IQSEC3: variants seen among roughly 807,000 people sequenced by gnomAD.
IQSEC3 encodes IQ motif and Sec7 domain ArfGEF 3, also known as IQ motif and SEC7 domain-containing protein 3.
Under a neutral mutation model 105.4 loss-of-function variants are expected in IQSEC3, and 50 were observed. The observed-to-expected ratio is 0.47, with a 90% confidence interval of 0.38 to 0.60. The LOEUF is 0.60. Among genes scored for constraint, IQSEC3 ranks in the 20% least tolerant of loss-of-function variants. The probability of loss-of-function intolerance (pLI) is 0.00; values close to 1 mark genes in which losing one functional copy is unlikely to be tolerated. For synonymous variants in IQSEC3, 708 were observed against 746.0 expected (o/e 0.95, Z 0.83); for missense variants, 1,415 against 1,630.0 (o/e 0.87, Z 2.27).
At chr12:139,388 G>A (rs1865925108) in intron 4 of IQSEC3, 34 bp downstream of exon 4, 14 of 1,487,876 alleles carry the variant, frequency 9.4e-6, no homozygotes, top group South Asian at 1.3e-5. Context: ...CCGGAGTCCT[G>A]GGCGTCCTGG....
intron 2 of IQSEC3, among the ~76,000 whole-genome samples, chr12:117,729 A>G (rs1327375084): frequency 6.6e-6 from 1 of 152,176 alleles, no homozygotes; most frequent in East Asian, 1.9e-4. Flanking sequence ...GGAGGCAACA[A>G]GGAGAGGAAG....
rs1866924143 is a variant in IQSEC3, at chr12:162,208, G to C, written c.2583+143G>C. ...GTTATGAAGTACCTACTGTGTGCCA[G>C]ACACTGCATCTCTTTTTTTTTTTCT... On this transcript the variant is annotated intron_variant, in intron 8 of 13. Transcript: ENST00000538872. 3 of 859,560 alleles carry C rather than the reference G, an allele frequency of 3.5e-6. No individual in the cohort carries two copies. The Admixed American group carries it at 9.3e-5, about 27-fold the overall frequency. The allele number at this position is 859,560 out of a possible 1,614,324, so 53.2% of individuals were successfully genotyped here.
chr12:108,536 C>A (rs1864760797), intron 2 of IQSEC3, among the ~76,000 whole-genome samples: 1 of 152,216 alleles, frequency 6.6e-6, no homozygotes, highest in Non-Finnish European at 1.5e-5. Flanking sequence ...AGTGGAATTT[C>A]TTTAAGGTCT....
At position 139,240 on chromosome 12, in the gene IQSEC3, T is replaced by A; in HGVS notation, c.1877T>A (p.Ile626Asn). 3 of 1,608,000 alleles carry A rather than the reference T, an allele frequency of 1.9e-6. No individual in the cohort carries two copies. Among genetic ancestry groups the A allele is most frequent in the Non-Finnish European group, 2.5e-6 (3 of 1,178,108 alleles). The change falls in exon 4 of 14, where the codon ATC becomes AAC. Residue 626 changes from isoleucine (I) to asparagine (N), a missense_variant. This residue lies in a region of IQSEC3 where 720 missense variants were observed against 633.0 expected (regional missense o/e 1.14). Transcript: ENST00000538872. The part of the protein sequence containing the change: ...SASKDALQAM[I>N]LSLPRYHCEN... Reference sequence around the variant, plus strand: ...TCCAAGGACGCCCTGCAGGCCATGATCCTGAGCCTGCCGCGCTACCACTGC... The same window carrying A: ...TCCAAGGACGCCCTGCAGGCCATGAACCTGAGCCTGCCGCGCTACCACTGC...
At chr12:114,394 A>G (rs1056120788) in intron 2 of IQSEC3, among the ~76,000 whole-genome samples, 6 of 152,230 alleles carry the variant, frequency 3.9e-5, no homozygotes, top group Non-Finnish European at 7.3e-5. Context: ...AGTCCGTCCC[A>G]TGGGATAGCA....
chr12:67,684 A>G (rs1287976283), intron 1 of IQSEC3, among the ~76,000 whole-genome samples: 1 of 141,098 alleles, frequency 7.1e-6, no homozygotes, highest in African/African-American at 3.2e-5. Context: ...AGGAGGAAGG[A>G]GGTGGGTGTT....
chr12:121,668 A>G (rs1865222374), intron 2 of IQSEC3, among the ~76,000 whole-genome samples: 1 of 152,116 alleles, frequency 6.6e-6, no homozygotes, highest in Non-Finnish European at 1.5e-5. Flanking sequence ...CTACTTTTTC[A>G]GTTCCATGAA....
intron 1 of IQSEC3, among the ~76,000 whole-genome samples, chr12:85,594 C>T (rs1220762835): frequency 6.6e-6 from 1 of 152,214 alleles, no homozygotes; most frequent in Non-Finnish European, 1.5e-5. Context: ...TGACAGCAAG[C>T]TCTCACTGTT....
chr12:101,775 C>A (rs782723828), intron 2 of IQSEC3, among the ~76,000 whole-genome samples: 9 of 152,162 alleles, frequency 5.9e-5, no homozygotes, highest in Non-Finnish European at 1.0e-4. Context: ...GTTTTCTGGG[C>A]AGCCCAACAG....
chr12:107,440 T>C (rs1419221762), intron 2 of IQSEC3, among the ~76,000 whole-genome samples: 90 of 146,958 alleles, frequency 6.1e-4, no homozygotes, highest in Admixed American at 2.4e-3. Flanking sequence ...GACGGAGTCT[T>C]GCTCTGTGGC....
At chr12:109,868 A>G (rs183979523) in intron 2 of IQSEC3, among the ~76,000 whole-genome samples, 4 of 152,048 alleles carry the variant, frequency 2.6e-5, no homozygotes, top group Admixed American at 2.6e-4. Context: ...ATCTATCTCT[A>G]TCATCCTGTT....
intron 7 of IQSEC3, among the ~76,000 whole-genome samples, chr12:161,212 G>A (rs1327809901): frequency 2.0e-5 from 3 of 152,174 alleles, no homozygotes; most frequent in East Asian, 1.9e-4. Flanking sequence ...TAAAAGAAGC[G>A]TATAGTCATT....
In IQSEC3 at chr12:163,484, C is replaced by G; in HGVS notation, c.2584-10C>G. On this transcript the variant is annotated splice_polypyrimidine_tract_variant and intron_variant, in intron 8 of 13. Transcript: ENST00000538872. ...TGGTCTCTCCCGCTGAGCGCCCTGC[C>G]CGCGTGCAGGTGCTGTCCGTGCCCC... is the stretch of plus-strand genomic sequence containing the variant. 6.3e-7 allele frequency: 1 copy of G among 1,597,214 alleles called. No homozygotes were observed. The highest frequency in any genetic ancestry group is 1.1e-5 in the South Asian group (1 of 90,214).
intron 2 of IQSEC3, among the ~76,000 whole-genome samples, chr12:123,760 T>C (rs1865293697): frequency 6.6e-6 from 1 of 152,192 alleles, no homozygotes; most frequent in Non-Finnish European, 1.5e-5. Context: ...ATTTGGCCCA[T>C]CTTTCATGGT....
At chr12:172,119 C>T (rs539566347) in intron 13 of IQSEC3, among the ~76,000 whole-genome samples, 3 of 152,272 alleles carry the variant, frequency 2.0e-5, no homozygotes, top group East Asian at 1.9e-4. Flanking sequence ...CCCGGAGGGG[C>T]CCCCATTAGG....
intron 11 of IQSEC3, among the ~76,000 whole-genome samples, chr12:167,975 A>C (rs1453553021): frequency 6.6e-6 from 1 of 152,184 alleles, no homozygotes; most frequent in African/African-American, 2.4e-5. Context: ...GTTGAGTAGA[A>C]ATATTTAGCA....
At chr12:126,375 C>G (rs1474084425) in intron 3 of IQSEC3, among the ~76,000 whole-genome samples, 3 of 152,240 alleles carry the variant, frequency 2.0e-5, no homozygotes, top group Non-Finnish European at 4.4e-5. Context: ...CAAGATCAGT[C>G]CAGACTGGGG....
chr12:98,875 A>T (rs1555075342), intron 1 of IQSEC3, among the ~76,000 whole-genome samples: 12 of 152,184 alleles, frequency 7.9e-5, no homozygotes, highest in Non-Finnish European at 1.6e-4. Flanking sequence ...CAGAAGTAGG[A>T]AGGGTGAGTT....
At chr12:104,559 TA>T (rs34973828) in intron 2 of IQSEC3, among the ~76,000 whole-genome samples, 8 of 150,296 alleles carry the variant, frequency 5.3e-5, no homozygotes, top group African/African-American at 1.2e-4. Context: ...ACGCCCATTT[TA>T]AAAAAAAAAG....
Sources: allele counts gnomAD v4.1 joint callset (sites outside exome capture counted in the v4.1 genomes callset), GRCh38; gene constraint gnomAD v4.1.1; regional missense constraint gnomAD v4.1.1; transcripts MANE v1.5; gene names NCBI Gene and HGNC (gene_info 2026-07-23, HGNC 2026-07-21).